Variants in MGAT4C observed in about 807,000 individuals in gnomAD.
The protein encoded by MGAT4C is alpha-1,3-mannosyl-glycoprotein 4-beta-N-acetylglucosaminyltransferase C.
In MGAT4C, 19 loss-of-function variants were observed where a neutral mutation model predicts 40.1. The ratio of observed to expected loss-of-function variants is 0.47; its 90% CI spans 0.33 to 0.70. The LOEUF (loss-of-function observed/expected upper bound fraction) is 0.70. MGAT4C is among the 30% of genes least tolerant of loss of function. MGAT4C has a pLI of 0.02. For synonymous variants in MGAT4C, 181 were observed against 187.1 expected, an observed-to-expected ratio of 0.97 and a Z score of 0.27; for missense variants, 491 against 563.2, an observed-to-expected ratio of 0.87 and a Z score of 1.30.
At chr12:86,128,561 C>T (rs1032434970) in intron 1 of MGAT4C, among the ~76,000 whole-genome samples, 1 of 152,054 alleles carries the variant, frequency 6.6e-6, no homozygotes, top group Non-Finnish European at 1.5e-5. Flanking sequence ...TTCCCAGTCA[C>T]GGGTATGTCT....
intron 2 of MGAT4C, among the ~76,000 whole-genome samples, chr12:86,441,867 T>A (rs1957235145): frequency 6.6e-6 from 1 of 152,148 alleles, no homozygotes; most frequent in Non-Finnish European, 1.5e-5. Context: ...TACCCAGGAA[T>A]GGGATGGCTG....
intron 1 of MGAT4C, among the ~76,000 whole-genome samples, chr12:86,134,812 G>C (rs758634838): frequency 6.6e-6 from 1 of 152,128 alleles, no homozygotes; most frequent in Non-Finnish European, 1.5e-5. Context: ...CTGGGATGAT[G>C]AACAGTGGAG....
intron 2 of MGAT4C, among the ~76,000 whole-genome samples, chr12:86,647,333 G>A (rs548802258): frequency 6.6e-6 from 1 of 151,870 alleles, no homozygotes; most frequent in South Asian, 2.1e-4. Context: ...TTTTTCTTTT[G>A]CATTCAAAAT....
intron 1 of MGAT4C, among the ~76,000 whole-genome samples, chr12:86,738,592 T>G (rs2136127375): frequency 6.6e-6 from 1 of 151,420 alleles, no homozygotes; most frequent in South Asian, 2.1e-4. Flanking sequence ...AGTATGAAAT[T>G]CAGTTTACAT....
chr12:86,152,506 T>C (rs146269231), intron 1 of MGAT4C, among the ~76,000 whole-genome samples: 3 of 152,304 alleles, frequency 2.0e-5, no homozygotes, highest in East Asian at 1.9e-4. Flanking sequence ...AGATCTCACA[T>C]CTTAATACTA....
chr12:86,322,995 G>T (rs1954433497), intron 4 of MGAT4C, among the ~76,000 whole-genome samples: 1 of 151,756 alleles, frequency 6.6e-6, no homozygotes, highest in Non-Finnish European at 1.5e-5. Flanking sequence ...CACAAGCATT[G>T]CTCATTTTTA....
intron 2 of MGAT4C, among the ~76,000 whole-genome samples, chr12:85,991,402 C>A (rs775900074): frequency 2.0e-5 from 3 of 152,176 alleles, no homozygotes; most frequent in Non-Finnish European, 4.4e-5. Flanking sequence ...GCAGGACTGG[C>A]AGCCTGGCCC....
rs571909312 is a variant in MGAT4C at position 85,988,729 on chromosome 12, TAGTC to T, written c.147+667_147+670del. ...AACTAACATATTAATTTTTCATAAT[TAGTC>T]AGAATAAGCGCTTTTGCATATTGTC... is the stretch of plus-strand genomic sequence containing the variant. On this transcript the variant is annotated intron_variant, in intron 3 of 4. Transcript: ENST00000611864. Among the ~76,000 whole-genome samples the T allele has an allele frequency of 1.1e-3, 167 of 152,088 alleles. 2 individuals are homozygous for T. Among genetic ancestry groups the T allele is most frequent in the Non-Finnish European group, 2.0e-3 (139 of 67,874 alleles).
chr12:86,689,615 C>T (rs552854935), intron 2 of MGAT4C, among the ~76,000 whole-genome samples: 2 of 152,262 alleles, frequency 1.3e-5, no homozygotes, highest in African/African-American at 4.8e-5. Context: ...CATTGCAGAC[C>T]CTTTTTGCCT....
intron 1 of MGAT4C, among the ~76,000 whole-genome samples, chr12:86,740,318 C>G (rs1027014296): frequency 6.6e-6 from 1 of 150,872 alleles, no homozygotes; most frequent in Non-Finnish European, 1.5e-5. Context: ...GGATAGGATT[C>G]ATTATATTTT....
intron 2 of MGAT4C, among the ~76,000 whole-genome samples, chr12:86,556,539 T>C (rs551014499): frequency 1.4e-4 from 22 of 152,274 alleles, no homozygotes; most frequent in East Asian, 7.7e-4. Context: ...CAGGATTCCC[T>C]TGACATTACT....
chr12:86,684,368 T>C (rs1950034181), intron 2 of MGAT4C, among the ~76,000 whole-genome samples: 1 of 152,252 alleles, frequency 6.6e-6, no homozygotes, highest in Non-Finnish European at 1.5e-5. Context: ...AACTCATTAA[T>C]TTTTATGGCA....
intron 2 of MGAT4C, among the ~76,000 whole-genome samples, chr12:86,012,967 TAA>T (rs373512076): frequency 0.14 from 21,010 of 145,856 alleles, 1,835 homozygotes; most frequent in Non-Finnish European, 0.2. Flanking sequence ...CCACGAAAAT[TAA>T]AAAAAAAAAA....
chr12:86,036,752 G>A (rs1483894400), intron 2 of MGAT4C, among the ~76,000 whole-genome samples: 1 of 149,706 alleles, frequency 6.7e-6, no homozygotes, highest in Non-Finnish European at 1.5e-5. Context: ...GCCTGGAATT[G>A]TCTTTATTTG....
At chr12:86,737,877 A>G (rs1477470902) in intron 1 of MGAT4C, among the ~76,000 whole-genome samples, 1 of 151,512 alleles carries the variant, frequency 6.6e-6, no homozygotes, top group Non-Finnish European at 1.5e-5. Context: ...CACTAGTCCA[A>G]GTCTCTTACC....
chr12:86,290,623 A>G (rs1225394331), intron 4 of MGAT4C, among the ~76,000 whole-genome samples: 1 of 152,180 alleles, frequency 6.6e-6, no homozygotes, highest in Non-Finnish European at 1.5e-5. Flanking sequence ...TAACCTGACA[A>G]AATCATTTGT....
At chr12:86,526,164 G>T (rs1329089760) in intron 2 of MGAT4C, among the ~76,000 whole-genome samples, 1 of 152,096 alleles carries the variant, frequency 6.6e-6, no homozygotes, top group African/African-American at 2.4e-5. Context: ...ATGGGGGAGG[G>T]TCTGCTGTTC....
At chr12:86,791,092 A>ATGTAGGT (rs1478952061) in intron 1 of MGAT4C, among the ~76,000 whole-genome samples, 1 of 152,132 alleles carries the variant, frequency 6.6e-6, no homozygotes, top group Non-Finnish European at 1.5e-5. Flanking sequence ...GTAAGGGGAC[A>ATGTAGGT]TGTAGGTGCT....
intron 2 of MGAT4C, among the ~76,000 whole-genome samples, chr12:86,025,458 C>G (rs1890160699): frequency 6.6e-6 from 1 of 151,538 alleles, no homozygotes; most frequent in African/African-American, 2.4e-5. Context: ...TACTAAAATA[C>G]TTAAATTTCT....
Sources: allele counts gnomAD v4.1 joint callset (sites outside exome capture counted in the v4.1 genomes callset), GRCh38; gene constraint gnomAD v4.1.1; transcripts MANE v1.5; gene names NCBI Gene and HGNC (gene_info 2026-07-23, HGNC 2026-07-21).